The following SLC14A2 variants were observed in gnomAD, a reference collection of about 807,000 sequenced individuals.
SLC14A2 encodes solute carrier family 14 member 2, also known as urea transporter 2.
Under a neutral mutation model 104.6 loss-of-function variants are expected in SLC14A2, and 91 were observed. The observed-to-expected ratio is 0.87, with a 90% CI of 0.73 to 1.04. SLC14A2 has a LOEUF of 1.04. Among genes scored for constraint, SLC14A2 ranks in the 50% least tolerant of loss-of-function variants. The pLI is 0.00. For missense variants in SLC14A2, 1,189 were observed against 1,156.0 expected (o/e 1.03, Z -0.41); for synonymous variants, 476 against 466.4 (o/e 1.02, Z -0.27).
intron 2 of SLC14A2, among the ~76,000 whole-genome samples, chr18:45,512,175 C>T (rs2043374634): frequency 6.6e-6 from 1 of 152,174 alleles, no homozygotes; most frequent in Non-Finnish European, 1.5e-5. Context: ...TGCTTGGGAA[C>T]TATATACCAA....
intron 1 of SLC14A2, among the ~76,000 whole-genome samples, chr18:45,442,975 T>C (rs1380217051): frequency 1.3e-5 from 2 of 152,210 alleles, no homozygotes; most frequent in African/African-American, 4.8e-5. Context: ...AATGTCAATA[T>C]GTGGGCCAGC....
At chr18:45,582,202 A>G (rs1218138093) in intron 2 of SLC14A2, among the ~76,000 whole-genome samples, 4 of 152,210 alleles carry the variant, frequency 2.6e-5, no homozygotes, top group South Asian at 4.1e-4. Flanking sequence ...AGGGTTCACC[A>G]TGGGCACATG....
At chr18:45,598,874 C>T (rs192146364) in intron 2 of SLC14A2, among the ~76,000 whole-genome samples, 181 of 152,346 alleles carry the variant, frequency 1.2e-3, no homozygotes, top group Admixed American at 1.8e-3. Flanking sequence ...CTAAAGCACG[C>T]AGACCGCTTG....
At position 45,512,811 on chromosome 18, in the gene SLC14A2, G is replaced by A. The variant is rs73955851; in HGVS notation, c.-35+29489G>A. 1.2e-3 allele frequency among the ~76,000 whole-genome samples: 179 copies of A among 152,290 alleles called. 1 individual carries two copies. The highest frequency in any genetic ancestry group is 4.3e-3 in the African/African-American group (178 of 41,560). ...GATCACAAGGCCATTACTGGATTGGGGGGAGCTGGAAGGGTGGGAAGGCAG... is the reference window on the plus strand; with the variant it reads ...GATCACAAGGCCATTACTGGATTGGAGGGAGCTGGAAGGGTGGGAAGGCAG... On this transcript the variant is annotated intron_variant, in intron 2 of 20. Coordinates refer to the SLC14A2 transcript ENST00000586448.
intron 1 of SLC14A2, among the ~76,000 whole-genome samples, chr18:45,351,721 T>C (rs1032165942): frequency 3.3e-5 from 5 of 152,142 alleles, no homozygotes; most frequent in African/African-American, 1.2e-4. Context: ...TTGAAAAGTA[T>C]AGTAAAGAGG....
In SLC14A2 at chr18:45,632,483, G is replaced by A. The variant is rs780849432; in HGVS notation, c.650+5G>A. ...GACCTTCACAGCCATGTCCTGGTGAGGCACCTCATTTTTTCTGCTCACAGC... is the reference window on the plus strand; with the variant it reads ...GACCTTCACAGCCATGTCCTGGTGAAGCACCTCATTTTTTCTGCTCACAGC... On this transcript the variant is annotated splice_donor_5th_base_variant and intron_variant, in intron 5 of 19. Coordinates refer to ENST00000255226, the MANE Select transcript of SLC14A2 (RefSeq NM_007163.4). The A allele has an allele frequency of 3.1e-6, 5 of 1,612,808 alleles. No homozygotes were observed. The highest frequency in any genetic ancestry group is 3.3e-5 in the Admixed American group (2 of 59,744).
intron 5 of SLC14A2, chr18:45,634,711 C>G: frequency 2.4e-6 from 1 of 421,624 alleles, no homozygotes; most frequent in African/African-American, 2.0e-5. Context: ...CCCTGTAGAC[C>G]CAGTAAGCCT....
chr18:45,475,217 A>G (rs2087335647), intron 1 of SLC14A2, among the ~76,000 whole-genome samples: 1 of 152,056 alleles, frequency 6.6e-6, no homozygotes, highest in African/African-American at 2.4e-5. Context: ...CTGAGTTCTA[A>G]TTTGATTGCA....
intron 1 of SLC14A2, among the ~76,000 whole-genome samples, chr18:45,338,745 A>G (rs571258624): frequency 6.7e-6 from 1 of 149,228 alleles, no homozygotes; most frequent in African/African-American, 2.5e-5. Context: ...TTTGTCAACA[A>G]CCCTGTCAGC....
chr18:45,666,869 A>G lies in SLC14A2; in HGVS notation c.1558-66A>G, dbSNP rs950818262. 10 of 1,404,610 alleles carry G rather than the reference A, an allele frequency of 7.1e-6. No homozygotes were observed. In the Admixed American group the frequency reaches 9.4e-5, roughly 13 times the overall value. The allele number at this position is 1,404,610 out of a possible 1,614,324, so 87.0% of individuals were successfully genotyped here. On this transcript the variant is annotated intron_variant, in intron 12 of 19. Coordinates refer to ENST00000255226, the MANE Select transcript of SLC14A2 (RefSeq NM_007163.4). ...CTTATTTGGTCCCTGAGTGACCACAAACATGAATTCTCAGTGTAAGAACCA... is the reference window on the plus strand; with the variant it reads ...CTTATTTGGTCCCTGAGTGACCACAGACATGAATTCTCAGTGTAAGAACCA...
At chr18:45,566,488 G>A (rs2044267466) in intron 2 of SLC14A2, among the ~76,000 whole-genome samples, 1 of 146,608 alleles carries the variant, frequency 6.8e-6, no homozygotes, top group Non-Finnish European at 1.5e-5. Context: ...CGTCACCCTC[G>A]ACATGCATGT....
At chr18:45,648,495 ACG>A (rs1568313338) in intron 10 of SLC14A2, among the ~76,000 whole-genome samples, 1,977 of 151,778 alleles carry the variant, frequency 0.013, 12 homozygotes, top group Non-Finnish European at 0.021. Flanking sequence ...ATGAGCCACC[ACG>A]CCCGGCCTAG....
chr18:45,411,123 A>G lies in SLC14A2; in HGVS notation c.-124-72110A>G, dbSNP rs143277646. On this transcript the variant is annotated intron_variant, in intron 1 of 20. Coordinates refer to the SLC14A2 transcript ENST00000586448. Reference sequence around the variant, plus strand: ...TGTATTCCCTTACGAGCAATAGTTCAGAATTCACTAATTCAGTGTTTGCAG... The same window carrying G: ...TGTATTCCCTTACGAGCAATAGTTCGGAATTCACTAATTCAGTGTTTGCAG... Among the ~76,000 whole-genome samples the G allele has an allele frequency of 6.4e-3, 980 of 152,354 alleles. 10 individuals are homozygous for G. Among genetic ancestry groups the G allele is most frequent in the African/African-American group, 0.022 (914 of 41,590 alleles).
intron 1 of SLC14A2, among the ~76,000 whole-genome samples, chr18:45,394,931 G>C (rs1382473441): frequency 6.6e-6 from 1 of 152,118 alleles, no homozygotes; most frequent in Non-Finnish European, 1.5e-5. Context: ...AAAAAATTAA[G>C]ATAGTCCTGC....
At chr18:45,299,262 A>G (rs1004738969) in intron 1 of SLC14A2, among the ~76,000 whole-genome samples, 5 of 152,246 alleles carry the variant, frequency 3.3e-5, no homozygotes, top group African/African-American at 1.2e-4. Flanking sequence ...CATCCTGCAC[A>G]TTAGCAAGTT....
intron 1 of SLC14A2, among the ~76,000 whole-genome samples, chr18:45,282,891 G>A (rs1459153370): frequency 6.6e-6 from 1 of 150,430 alleles, no homozygotes; most frequent in Non-Finnish European, 1.5e-5. Flanking sequence ...GTGCATTTGT[G>A]CAAGTCCCCT....
intron 1 of SLC14A2, among the ~76,000 whole-genome samples, chr18:45,320,455 A>ATGAC (rs1359504612): frequency 6.6e-6 from 1 of 152,190 alleles, no homozygotes; most frequent in African/African-American, 2.4e-5. Flanking sequence ...CCCCAAAGAC[A>ATGAC]TGACTCCCTG....
intron 2 of SLC14A2, among the ~76,000 whole-genome samples, chr18:45,486,190 C>A (rs1254044222): frequency 2.0e-5 from 3 of 152,136 alleles, no homozygotes; most frequent in Non-Finnish European, 2.9e-5. Flanking sequence ...CAGTTAATGG[C>A]AACTGTATTA....
At chr18:45,294,718 C>T (rs1004905408) in intron 1 of SLC14A2, among the ~76,000 whole-genome samples, 11 of 152,292 alleles carry the variant, frequency 7.2e-5, no homozygotes, top group African/African-American at 2.6e-4. Context: ...CAGAAAGAAA[C>T]ACACCGCACA....
Sources: allele counts gnomAD v4.1 joint callset (sites outside exome capture counted in the v4.1 genomes callset), GRCh38; gene constraint gnomAD v4.1.1; transcripts MANE v1.5; gene names NCBI Gene and HGNC (gene_info 2026-07-23, HGNC 2026-07-21).